MICU1: variants seen among roughly 807,000 people sequenced by gnomAD.
MICU1 encodes the protein mitochondrial calcium uptake 1.
Under a neutral mutation model 56.8 loss-of-function variants are expected in MICU1, and 45 were observed. That is an observed-to-expected ratio of 0.79 (90% CI 0.62 to 1.02). MICU1 has a LOEUF of 1.02. MICU1 is among the 50% of genes least tolerant of loss of function. MICU1 has a pLI of 0.00. For missense variants in MICU1, 504 were observed against 587.1 expected (o/e 0.86, Z 1.46); for synonymous variants, 186 against 195.1 (o/e 0.95, Z 0.39).
In MICU1 at chr10:72,385,516, C is replaced by A. The variant is rs115930497; in HGVS notation, c.1181-9644G>T. On this transcript the variant is annotated intron_variant, in intron 10 of 11. Transcript: ENST00000361114. ...AAAAACCAACCAAACAAACAAAAAA[C>A]CAAAAAACAAAGTAAGGGTTTAAAC... is the stretch of plus-strand genomic sequence containing the variant. 9.1e-3 allele frequency among the ~76,000 whole-genome samples: 1,382 copies of A among 151,958 alleles called. 25 individuals carry two copies. The highest frequency in any genetic ancestry group is 0.031 in the African/African-American group (1,284 of 41,440).
intron 1 of MICU1, among the ~76,000 whole-genome samples, chr10:72,588,596 A>C (rs951485135): frequency 1.3e-5 from 2 of 152,218 alleles, no homozygotes; most frequent in Non-Finnish European, 2.9e-5. Flanking sequence ...TTAGACATAA[A>C]AATTGGTAAA....
chr10:72,623,416 G>GA (rs1336479411), intron 1 of MICU1, among the ~76,000 whole-genome samples: 1 of 151,874 alleles, frequency 6.6e-6, no homozygotes, highest in Non-Finnish European at 1.5e-5. Flanking sequence ...AATATGTGTG[G>GA]AAAAAACAGT....
intron 4 of MICU1, among the ~76,000 whole-genome samples, chr10:72,542,832 G>A (rs1387117247): frequency 6.6e-6 from 1 of 152,242 alleles, no homozygotes; most frequent in Non-Finnish European, 1.5e-5. Context: ...CGAACAAATT[G>A]AAAGATGGTG....
rs762982392 is a variant in MICU1 at position 72,407,911 on chromosome 10, C to CT, written c.1180+17dup. 1.2e-4 allele frequency: 196 copies of CT among 1,573,456 alleles called. No homozygotes were observed. Among genetic ancestry groups the CT allele is most frequent in the Non-Finnish European group, 1.6e-4 (180 of 1,144,948 alleles). On this transcript the variant is annotated intron_variant, in intron 10 of 11. Coordinates refer to ENST00000361114, the MANE Select transcript of MICU1 (RefSeq NM_001195518.2). Reference sequence around the variant, plus strand: ...CAATGTTCATACCTTCAAAAAAACACTTTTTGAGTTTCATTACCTTTATCA... The same window carrying CT: ...CAATGTTCATACCTTCAAAAAAACACTTTTTTGAGTTTCATTACCTTTATCA...
chr10:72,542,361 A>T (rs1839793958), intron 4 of MICU1, among the ~76,000 whole-genome samples: 1 of 152,210 alleles, frequency 6.6e-6, no homozygotes, highest in Admixed American at 6.5e-5. Context: ...ACTAAGCAGC[A>T]CTACAGAGGA....
intron 10 of MICU1, among the ~76,000 whole-genome samples, chr10:72,396,817 C>A (rs1279875973): frequency 1.3e-5 from 2 of 152,096 alleles, no homozygotes; most frequent in African/African-American, 4.8e-5. Flanking sequence ...GATTGATGTA[C>A]CTGAAAGTGA....
intron 9 of MICU1, among the ~76,000 whole-genome samples, chr10:72,418,956 AATTTAACACCGCAG>A (rs1217867170): frequency 6.6e-6 from 1 of 152,212 alleles, no homozygotes; most frequent in Non-Finnish European, 1.5e-5. Context: ...GGCCAAAAGT[AATTTAACACCGCAG>A]ATTTTCATCA....
intron 5 of MICU1, among the ~76,000 whole-genome samples, chr10:72,508,988 A>G (rs1486421916): frequency 1.3e-5 from 2 of 152,168 alleles, no homozygotes; most frequent in African/African-American, 4.8e-5. Context: ...TAATCTATAA[A>G]TCTCACAAAG....
intron 3 of MICU1, among the ~76,000 whole-genome samples, chr10:72,560,898 T>C (rs1213755750): frequency 6.6e-6 from 1 of 151,800 alleles, no homozygotes; most frequent in Non-Finnish European, 1.5e-5. Context: ...ACAAAACTTA[T>C]GGCATAAAAA....
chr10:72,498,838 T>C (rs1035184403), intron 6 of MICU1, among the ~76,000 whole-genome samples: 1 of 152,168 alleles, frequency 6.6e-6, no homozygotes, highest in African/African-American at 2.4e-5. Context: ...CTGGTGGCAG[T>C]ATCAGCCCAT....
In MICU1 at chr10:72,551,178, C is replaced by A. The variant is rs375775506; in HGVS notation, c.493+1G>T. On this transcript the variant is annotated splice_donor_variant, in intron 4 of 11. Coordinates refer to ENST00000361114, the MANE Select transcript of MICU1 (RefSeq NM_001195518.2). LOFTEE classifies it high-confidence loss of function. ...TCTTATATTTCACTTTAGCAACTTA[C>A]GTTCTGGTTGTTTTTCATTGGGTGT... The A allele has an allele frequency of 1.9e-6, 3 of 1,595,844 alleles. No homozygotes were observed. The highest frequency in any genetic ancestry group is 2.6e-6 in the Non-Finnish European group (3 of 1,172,310).
chr10:72,481,368 C>T (rs868616682), intron 6 of MICU1, among the ~76,000 whole-genome samples: 45 of 152,186 alleles, frequency 3.0e-4, no homozygotes, highest in Middle Eastern at 6.8e-3. Flanking sequence ...AATCTGTTTC[C>T]ATAGAAAGGT....
intron 8 of MICU1, among the ~76,000 whole-genome samples, chr10:72,441,782 AT>A (rs907655931): frequency 6.6e-6 from 1 of 151,320 alleles, no homozygotes; most frequent in Non-Finnish European, 1.5e-5. Context: ...ATGCCCAGCT[AT>A]TTTTTTGTAT....
intron 8 of MICU1, among the ~76,000 whole-genome samples, chr10:72,469,173 T>C (rs187290170): frequency 6.6e-6 from 1 of 152,346 alleles, no homozygotes; most frequent in East Asian, 1.9e-4. Flanking sequence ...TAAATGATCA[T>C]GAACTTATCC....
intron 10 of MICU1, among the ~76,000 whole-genome samples, chr10:72,400,688 G>A (rs1239274199): frequency 1.3e-5 from 2 of 152,098 alleles, no homozygotes; most frequent in African/African-American, 4.8e-5. Flanking sequence ...GGAGGTTGCA[G>A]TGAGCCAAGA....
At chr10:72,412,150 A>T (rs1863836309) in intron 9 of MICU1, among the ~76,000 whole-genome samples, 1 of 152,188 alleles carries the variant, frequency 6.6e-6, no homozygotes, top group East Asian at 1.9e-4. Context: ...GGTAACTACT[A>T]TGGTAAAAAT....
rs1863685735 is a variant in MICU1, at chr10:72,408,045, A to G, written c.1072-8T>C. 8.2e-6 allele frequency: 13 copies of G among 1,593,254 alleles called. No homozygotes were observed. Among genetic ancestry groups the G allele is most frequent in the Non-Finnish European group, 1.1e-5 (13 of 1,162,300 alleles). ...CTCCTGAAATGTCAGACCCTGCAAG[A>G]GGAGAGACAGCAAGGTAAGGCAGGA... On this transcript the variant is annotated splice_region_variant and splice_polypyrimidine_tract_variant and intron_variant, in intron 9 of 11. Transcript: ENST00000361114.
rs537571541 is a variant in MICU1, at chr10:72,388,023, A to G, written c.1181-12151T>C. Among the ~76,000 whole-genome samples the G allele has an allele frequency of 3.3e-5, 5 of 152,322 alleles. No individual in the cohort carries two copies. In the East Asian group the frequency reaches 7.7e-4, roughly 23 times the overall value. ...ACTATCACCATTCTACAGATCTGGA[A>G]ACTGAGGCTTTGAGAACTTAAGGAA... On this transcript the variant is annotated intron_variant, in intron 10 of 11. Coordinates refer to ENST00000361114, the MANE Select transcript of MICU1 (RefSeq NM_001195518.2).
chr10:72,367,927 G>A lies in MICU1; in HGVS notation c.*268C>T, dbSNP rs1434462756. On this transcript the variant is annotated 3_prime_UTR_variant, in exon 12 of 12. Coordinates refer to ENST00000361114, the MANE Select transcript of MICU1 (RefSeq NM_001195518.2). ...CTTTATCCACAGGATGCTTGAATGG[G>A]TGGTGCTGTTGAGGCTGACAAATGT... 3.7e-5 allele frequency: 14 copies of A among 381,896 alleles called. No homozygotes were observed. The highest frequency in any genetic ancestry group is 8.0e-5 in the Admixed American group (2 of 24,924). 23.7% of individuals were successfully genotyped at this position (381,896 alleles called of 1,614,324 possible). A position where few individuals can be genotyped will look rare whatever the true frequency, so the allele number is the denominator to read the frequency against.
Sources: gnomAD v4.1 joint callset for allele counts (sites outside exome capture counted in the v4.1 genomes callset) on GRCh38, gnomAD v4.1.1 for gene constraint, MANE v1.5 for transcripts, NCBI Gene and HGNC (gene_info 2026-07-23, HGNC 2026-07-21) for gene names.